PROS1: variants seen among roughly 807,000 people sequenced by gnomAD.
PROS1 encodes vitamin K-dependent protein S.
In PROS1, 29 loss-of-function variants were observed where a neutral mutation model predicts 75.9. That is an observed-to-expected ratio of 0.38 (90% confidence interval 0.28 to 0.52). PROS1 has a LOEUF of 0.52. Among genes scored for constraint, PROS1 ranks in the 20% least tolerant of loss-of-function variants. The pLI is 0.83. For missense variants in PROS1, 680 were observed against 810.3 expected, an observed-to-expected ratio of 0.84 and a Z score of 1.95; for synonymous variants, 245 against 280.6, an observed-to-expected ratio of 0.87 and a Z score of 1.27.
intron 1 of PROS1, among the ~76,000 whole-genome samples, chr3:93,962,401 T>C (rs1226250395): frequency 6.6e-6 from 1 of 152,180 alleles, no homozygotes; most frequent in Non-Finnish European, 1.5e-5. Context: ...ATCTGACTGA[T>C]CCAGAACCTC....
At chr3:93,957,980 C>G (rs1478842207) in intron 1 of PROS1, among the ~76,000 whole-genome samples, 1 of 151,938 alleles carries the variant, frequency 6.6e-6, no homozygotes, top group Non-Finnish European at 1.5e-5. Context: ...CCCAGCTACT[C>G]AGGAGGCTGA....
chr3:93,944,238 C>T (rs1709341685), intron 1 of PROS1, among the ~76,000 whole-genome samples: 5 of 152,142 alleles, frequency 3.3e-5, no homozygotes, highest in Admixed American at 2.6e-4. Flanking sequence ...CCACCTAAAA[C>T]TAACCCAGTT....
At chr3:93,885,938 G>A (rs1235673440) in intron 11 of PROS1, among the ~76,000 whole-genome samples, 2 of 151,988 alleles carry the variant, frequency 1.3e-5, no homozygotes, top group Non-Finnish European at 2.9e-5. Context: ...AAAGTCCTTT[G>A]ACTGGCTTTT....
At chr3:93,943,273 C>T (rs1709319193) in intron 1 of PROS1, among the ~76,000 whole-genome samples, 5 of 152,012 alleles carry the variant, frequency 3.3e-5, no homozygotes, top group Admixed American at 3.3e-4. Context: ...AGGATAGAGC[C>T]CAAAAACTCA....
chr3:93,962,277 C>A (rs766614367), intron 1 of PROS1, among the ~76,000 whole-genome samples: 14 of 151,762 alleles, frequency 9.2e-5, no homozygotes, highest in Non-Finnish European at 1.3e-4. Flanking sequence ...AATAGACAAC[C>A]CACCGATTTC....
At chr3:93,893,662 G>C (rs1212025161) in intron 9 of PROS1, among the ~76,000 whole-genome samples, 1 of 151,426 alleles carries the variant, frequency 6.6e-6, no homozygotes, top group African/African-American at 2.4e-5. Flanking sequence ...GGAATCACTC[G>C]TGGAGATCTA....
intron 1 of PROS1, among the ~76,000 whole-genome samples, chr3:93,960,652 AAAT>A (rs1709693268): frequency 2.0e-5 from 3 of 150,562 alleles, no homozygotes; most frequent in African/African-American, 7.3e-5. Flanking sequence ...TATGGTTAAG[AAAT>A]AATCTCTTAT....
intron 1 of PROS1, among the ~76,000 whole-genome samples, chr3:93,970,674 ATC>A (rs34165131): frequency 0.08 from 12,123 of 151,950 alleles, 593 homozygotes; most frequent in Middle Eastern, 0.2. Flanking sequence ...AGAGATTCTC[ATC>A]TCTCTCTCTC....
chr3:93,952,733 C>T (rs1709524083), intron 1 of PROS1, among the ~76,000 whole-genome samples: 1 of 152,042 alleles, frequency 6.6e-6, no homozygotes, highest in African/African-American at 2.4e-5. Flanking sequence ...AAGATCAGAG[C>T]AGAACTGAAG....
intron 1 of PROS1, among the ~76,000 whole-genome samples, chr3:93,946,546 GAA>G (rs1709402811): frequency 6.6e-6 from 1 of 152,090 alleles, no homozygotes; most frequent in African/African-American, 2.4e-5. Flanking sequence ...ACAAAAACAA[GAA>G]ATGGGGAAAG....
intron 2 of PROS1, among the ~76,000 whole-genome samples, chr3:93,924,920 T>C (rs1708995680): frequency 6.6e-6 from 1 of 152,104 alleles, no homozygotes. Context: ...CCTCCCACCT[T>C]GGCCTCCCAA....
At position 93,898,495 on chromosome 3, in the gene PROS1, C is replaced by A; in HGVS notation, c.802G>T (p.Asp268Tyr). 6.2e-7 allele frequency: 1 copy of A among 1,612,816 alleles called. No homozygotes were observed. Among genetic ancestry groups the A allele is most frequent in the Middle Eastern group, 1.7e-4 (1 of 6,048 alleles). ...NYPGGYTCYC[D>Y]GKKGFKLAQD... is the part of the protein sequence containing the mutation. ...GCAAGTTTGAATCCTTTCTTCCCATCACAATAGCAAGTGTAACCTCCAGGG... is the reference window on the plus strand; with the variant it reads ...GCAAGTTTGAATCCTTTCTTCCCATAACAATAGCAAGTGTAACCTCCAGGG... The change falls in exon 8 of 15, where the codon GAT becomes TAT. Residue 268 changes from aspartate (D) to tyrosine (Y), a missense_variant. Physicochemically the swap from Asp to Tyr is radical, Grantham distance 160 (BLOSUM62 -3). Transcript: ENST00000394236.
rs539855375 is a variant in PROS1, at chr3:93,920,099, C to A, written c.259+4141G>T. On this transcript the variant is annotated intron_variant, in intron 3 of 14. Coordinates refer to ENST00000394236, the MANE Select transcript of PROS1 (RefSeq NM_000313.4). ...TTTTTTTAAACAAGATTGCTCTGAACATATAAATTTGAGGATGGCCACACA... is the reference window on the plus strand; with the variant it reads ...TTTTTTTAAACAAGATTGCTCTGAAAATATAAATTTGAGGATGGCCACACA... 1.2e-4 allele frequency among the ~76,000 whole-genome samples: 18 copies of A among 152,222 alleles called. 2 individuals carry two copies. The East Asian group carries it at 3.5e-3, about 29-fold the overall frequency.
At chr3:93,882,662 T>G (rs1190701368) in intron 12 of PROS1, among the ~76,000 whole-genome samples, 1 of 152,180 alleles carries the variant, frequency 6.6e-6, no homozygotes, top group Non-Finnish European at 1.5e-5. Flanking sequence ...ATGTAGGGGC[T>G]GACGTAAGAG....
At chr3:93,895,913 G>A (rs759725807) in intron 9 of PROS1, among the ~76,000 whole-genome samples, 12 of 152,092 alleles carry the variant, frequency 7.9e-5, no homozygotes, top group Non-Finnish European at 1.5e-4. Context: ...GCAGTGAGCC[G>A]AGATTGCGCC....
At chr3:93,948,926 A>G (rs7615840) in intron 1 of PROS1, among the ~76,000 whole-genome samples, 12,215 of 152,294 alleles carry the variant, frequency 0.08, 602 homozygotes, top group Middle Eastern at 0.19. Flanking sequence ...ATCTGGTAGC[A>G]AGTATCTGGT....
In PROS1 at chr3:93,896,490, T is replaced by A. The variant is rs1708502562; in HGVS notation, c.965+86A>T. ...ACATTATCTGATAGGTAATACAATT[T>A]CACACACTTCAAACCTTTTCGGCCA... On this transcript the variant is annotated intron_variant, in intron 9 of 14. Transcript: ENST00000394236. 17 of 979,296 alleles carry A rather than the reference T, an allele frequency of 1.7e-5. No individual in the cohort carries two copies. In the Admixed American group the frequency reaches 2.9e-4, roughly 17 times the overall value. 60.7% of individuals were successfully genotyped at this position (979,296 alleles called of 1,614,324 possible).
At chr3:93,903,720 A>C (rs1232181575) in intron 6 of PROS1, among the ~76,000 whole-genome samples, 1 of 152,230 alleles carries the variant, frequency 6.6e-6, no homozygotes, top group Non-Finnish European at 1.5e-5. Context: ...AAAGTATTTA[A>C]GCGTAGAAGT....
intron 3 of PROS1, among the ~76,000 whole-genome samples, chr3:93,923,520 C>A (rs1403880726): frequency 1.3e-5 from 2 of 152,146 alleles, no homozygotes; most frequent in Non-Finnish European, 2.9e-5. Context: ...CTTTTCTACA[C>A]TTTAATAGTA....
Sources: gnomAD v4.1 joint callset for allele counts (sites outside exome capture counted in the v4.1 genomes callset) on GRCh38, gnomAD v4.1.1 for gene constraint, MANE v1.5 for transcripts, NCBI Gene and HGNC (gene_info 2026-07-23, HGNC 2026-07-21) for gene names.